DYM: variants seen among roughly 807,000 people sequenced by gnomAD.
The protein encoded by DYM is dyggve-Melchior-Clausen syndrome protein.
Under a neutral mutation model 93.1 loss-of-function variants are expected in DYM, and 78 were observed. The ratio of observed to expected loss-of-function variants is 0.84; its 90% CI spans 0.70 to 1.01. The LOEUF (loss-of-function observed/expected upper bound fraction) is 1.01, where lower values mean the gene tolerates loss of function less well. Ranked by LOEUF, DYM falls within the 50% of genes least tolerant of loss-of-function variation. DYM has a pLI of 0.00. For missense variants in DYM, 789 were observed against 845.0 expected, an observed-to-expected ratio of 0.93 and a Z score of 0.82; for synonymous variants, 321 against 319.7, an observed-to-expected ratio of 1.00 and a Z score of -0.04.
At chr18:49,246,720 A>T (rs1189378365) in intron 13 of DYM, among the ~76,000 whole-genome samples, 1 of 152,244 alleles carries the variant, frequency 6.6e-6, no homozygotes. Flanking sequence ...GGTGGAGTTA[A>T]TGACACTGAC....
chr18:49,110,045 G>C (rs1311897168), intron 16 of DYM, among the ~76,000 whole-genome samples: 2 of 152,162 alleles, frequency 1.3e-5, no homozygotes, highest in East Asian at 3.9e-4. Flanking sequence ...GGCCAAATCT[G>C]GCCTGTTGTC....
Position 49,430,313 on chromosome 18 carries a change from C to G in DYM, c.82G>C (p.Glu28Gln), listed in dbSNP as rs1258997584. ...AGCTGATTCCAGAACGGGTCATTCT[C>G]AGAGATAGATTCCGTGCCTGATAAC... is the stretch of plus-strand genomic sequence containing the variant. ...KKLSGTESISENDPFWNQLLS... is the reference protein window; with the variant it reads ...KKLSGTESISQNDPFWNQLLS... Residue 28 changes from glutamate (E) to glutamine (Q), a missense_variant, in exon 2 of 18, where the codon GAG (glutamate) becomes CAG (glutamine). Glu to Gln is a conservative substitution (Grantham distance 29). Transcript: ENST00000675505. The G allele has an allele frequency of 6.2e-7, 1 of 1,614,050 alleles. No individual in the cohort carries two copies. The highest frequency in any genetic ancestry group is 2.2e-5 in the East Asian group (1 of 44,866).
At position 49,080,407 on chromosome 18, in the gene DYM, C is replaced by T. The variant is rs1272765434; in HGVS notation, c.2025+16995G>A. 5.0e-3 allele frequency among the ~76,000 whole-genome samples: 665 copies of T among 133,960 alleles called. 7 individuals are homozygous for T. The highest frequency in any genetic ancestry group is 6.7e-3 in the Non-Finnish European group (409 of 61,300). 87.9% of individuals were successfully genotyped at this position (133,960 alleles called of 152,430 possible). On this transcript the variant is annotated intron_variant, in intron 17 of 17. Coordinates refer to ENST00000675505, the MANE Select transcript of DYM (RefSeq NM_001353214.3). ...GGGGCTGAGCCCCCCACCTCCCTCC[C>T]GGACGGGGTGGCTGGCCCGGCAGAG... is the stretch of plus-strand genomic sequence containing the variant.
At chr18:49,308,453 A>G (rs930615059) in intron 8 of DYM, among the ~76,000 whole-genome samples, 9 of 152,226 alleles carry the variant, frequency 5.9e-5, no homozygotes, top group Non-Finnish European at 1.2e-4. Context: ...GACAGATGGT[A>G]TCATGAAAAC....
At chr18:49,103,713 G>C (rs965789680) in intron 16 of DYM, among the ~76,000 whole-genome samples, 39 of 152,182 alleles carry the variant, frequency 2.6e-4, no homozygotes, top group African/African-American at 8.9e-4. Context: ...TCAAAGATCA[G>C]ATGGTTGTAG....
chr18:49,260,536 G>C (rs765378269), intron 11 of DYM, among the ~76,000 whole-genome samples: 8 of 151,976 alleles, frequency 5.3e-5, no homozygotes, highest in African/African-American at 9.7e-5. Flanking sequence ...TTCTTTGAGA[G>C]GAAAAGAAAA....
intron 13 of DYM, among the ~76,000 whole-genome samples, chr18:49,231,673 T>C (rs1277923292): frequency 6.6e-6 from 1 of 152,164 alleles, no homozygotes; most frequent in South Asian, 2.1e-4. Flanking sequence ...CTTTGTCAAA[T>C]AAAGTGGAGT....
At chr18:49,228,348 G>A (rs887238562) in intron 13 of DYM, among the ~76,000 whole-genome samples, 1 of 152,116 alleles carries the variant, frequency 6.6e-6, no homozygotes, top group African/African-American at 2.4e-5. Flanking sequence ...TTCCTTAGGA[G>A]TAAGCAAAGG....
At chr18:49,250,832 G>A (rs2094270709) in intron 13 of DYM, among the ~76,000 whole-genome samples, 2 of 152,242 alleles carry the variant, frequency 1.3e-5, no homozygotes, top group African/African-American at 4.8e-5. Flanking sequence ...GCAAGGAACT[G>A]TAATGATTCA....
chr18:49,426,260 G>T (rs1199496537), intron 2 of DYM, among the ~76,000 whole-genome samples: 2 of 151,980 alleles, frequency 1.3e-5, no homozygotes, highest in African/African-American at 4.8e-5. Context: ...CATGGATGAA[G>T]CTGGAAACCA....
chr18:49,403,188 T>C (rs576451859), intron 2 of DYM, among the ~76,000 whole-genome samples: 2 of 152,344 alleles, frequency 1.3e-5, no homozygotes, highest in East Asian at 3.9e-4. Context: ...TCCCCTGCAC[T>C]GAGCAGGAGG....
intron 1 of DYM, among the ~76,000 whole-genome samples, chr18:49,442,673 T>C (rs1373168794): frequency 6.6e-6 from 1 of 151,998 alleles, no homozygotes; most frequent in East Asian, 1.9e-4. Flanking sequence ...GTAACAATAA[T>C]ACCAAACATG....
intron 15 of DYM, chr18:49,126,162 G>A (rs1038231403): frequency 1.3e-5 from 2 of 151,978 alleles, no homozygotes; most frequent in African/African-American, 4.8e-5. Context: ...TATCCTTTAG[G>A]GAACAGCCAG....
chr18:49,156,017 A>G (rs2086372252), intron 15 of DYM, among the ~76,000 whole-genome samples: 1 of 152,230 alleles, frequency 6.6e-6, no homozygotes, highest in Non-Finnish European at 1.5e-5. Context: ...TGAGCAGTAC[A>G]TGAGGATTCT....
At chr18:49,435,779 C>T (rs1333395523) in intron 1 of DYM, among the ~76,000 whole-genome samples, 1 of 151,992 alleles carries the variant, frequency 6.6e-6, no homozygotes, top group Admixed American at 6.6e-5. Context: ...ACAAGAACAA[C>T]ACTCCATCTC....
chr18:49,190,777 C>G (rs150840911), intron 14 of DYM, among the ~76,000 whole-genome samples: 47 of 152,264 alleles, frequency 3.1e-4, no homozygotes, highest in African/African-American at 1.1e-3. Flanking sequence ...CAGCAGACCA[C>G]CTCCCCCTAC....
At chr18:49,049,260 A>T (rs1004588586) in intron 17 of DYM, among the ~76,000 whole-genome samples, 8 of 152,236 alleles carry the variant, frequency 5.3e-5, no homozygotes, top group Non-Finnish European at 4.4e-5. Context: ...TCTTTGAAAC[A>T]ACTACAAAAA....
intron 16 of DYM, among the ~76,000 whole-genome samples, chr18:49,106,465 T>C (rs958113325): frequency 1.3e-5 from 2 of 152,190 alleles, no homozygotes; most frequent in African/African-American, 2.4e-5. Context: ...TAGTTGGTTA[T>C]TTTGCTTGTT....
intron 2 of DYM, among the ~76,000 whole-genome samples, chr18:49,427,006 G>T (rs1225369277): frequency 2.0e-5 from 3 of 152,054 alleles, no homozygotes; most frequent in Non-Finnish European, 4.4e-5. Flanking sequence ...AAGAACTCCA[G>T]TTATTAAATG....
Sources: gnomAD v4.1 joint callset for allele counts (sites outside exome capture counted in the v4.1 genomes callset) on GRCh38, gnomAD v4.1.1 for gene constraint, MANE v1.5 for transcripts, NCBI Gene and HGNC (gene_info 2026-07-23, HGNC 2026-07-21) for gene names.